The following DCP1A variants were observed in gnomAD, a reference collection of about 807,000 sequenced individuals.
DCP1A encodes the protein mRNA-decapping enzyme 1A.
DCP1A carries 20 observed loss-of-function variants against 58.0 expected under a neutral mutation model. That is an observed-to-expected ratio of 0.34 (90% CI 0.24 to 0.50). The LOEUF (loss-of-function observed/expected upper bound fraction) is 0.50, where lower values mean the gene tolerates loss of function less well. Among genes scored for constraint, DCP1A ranks in the 20% least tolerant of loss-of-function variants. DCP1A has a pLI of 0.98. For missense variants in DCP1A, 613 were observed against 712.2 expected (o/e 0.86, Z 1.59); for synonymous variants, 285 against 275.1 (o/e 1.04, Z -0.36).
intron 3 of DCP1A, among the ~76,000 whole-genome samples, chr3:53,341,358 G>T (rs1308135032): frequency 6.6e-6 from 1 of 152,256 alleles, no homozygotes; most frequent in East Asian, 1.9e-4. Context: ...GGGAGGCCGA[G>T]CCAGGAGAAG....
chr3:53,316,435 CTTT>C lies in DCP1A; in HGVS notation c.371+2969_371+2971del, dbSNP rs1268922375. On this transcript the variant is annotated intron_variant, in intron 4 of 9. Coordinates refer to ENST00000610213, the MANE Select transcript of DCP1A (RefSeq NM_018403.7). ...GTTTCACCAGGGTATTCTCTAATCA[CTTT>C]TTTTTTTTGAGATGGGATCTCACTA... is the stretch of plus-strand genomic sequence containing the variant. 1.1e-4 allele frequency among the ~76,000 whole-genome samples: 16 copies of C among 146,620 alleles called. No homozygotes were observed. In the East Asian group the frequency reaches 3.0e-3, roughly 27 times the overall value.
At chr3:53,315,771 T>TA in intron 4 of DCP1A, among the ~76,000 whole-genome samples, 2 of 130,160 alleles carry the variant, frequency 1.5e-5, no homozygotes, top group South Asian at 5.2e-4. Flanking sequence ...TTTTTTTTTT[T>TA]GAGACGGAGT....
chr3:53,342,644 G>GCC (rs1356956999), intron 2 of DCP1A, among the ~76,000 whole-genome samples: 5 of 152,128 alleles, frequency 3.3e-5, no homozygotes, highest in Non-Finnish European at 7.3e-5. Flanking sequence ...CTGGATTACT[G>GCC]CCCCAGAAGC....
chr3:53,315,741 G>GTTTTTTTTT (rs1553689168), intron 4 of DCP1A, among the ~76,000 whole-genome samples: 1 of 75,648 alleles, frequency 1.3e-5, no homozygotes, highest in African/African-American at 4.4e-5. Context: ...AAATCAGTTT[G>GTTTTTTTTT]TTGTTTTTTT....
chr3:53,290,778 A>AAG lies in DCP1A; in HGVS notation c.1449+12_1449+13insCT. 1 of 1,225,426 alleles carries AAG rather than the reference A, an allele frequency of 8.2e-7. No individual in the cohort carries two copies. Among genetic ancestry groups the AAG allele is most frequent in the Non-Finnish European group, 1.2e-6 (1 of 868,598 alleles). 75.9% of individuals were successfully genotyped at this position (1,225,426 alleles called of 1,614,324 possible). A position where few individuals can be genotyped will look rare whatever the true frequency, so the allele number is the denominator to read the frequency against. On this transcript the variant is annotated intron_variant, in intron 8 of 9. Coordinates refer to ENST00000610213, the MANE Select transcript of DCP1A (RefSeq NM_018403.7). ...AAAAAAAAAAAAAAAAAAAAAAAAA[A>AAG]GCGAGTCCTTACCGGGATGGCACTG...
chr3:53,285,616 GA>G lies in DCP1A; in HGVS notation c.*1963del, dbSNP rs1384596551. ...TAGCATTAAAGGTGAAAATTAGTAT[GA>G]TCACAGACTCTCTTTAGGATATTCT... On this transcript the variant is annotated 3_prime_UTR_variant, in exon 10 of 10. Coordinates refer to ENST00000610213, the MANE Select transcript of DCP1A (RefSeq NM_018403.7). The G allele has an allele frequency of 6.6e-6, 1 of 152,072 alleles. No individual in the cohort carries two copies. Among genetic ancestry groups the G allele is most frequent in the East Asian group, 1.9e-4 (1 of 5,194 alleles). The allele number at this position is 152,072 out of a possible 1,614,324, so 9.4% of individuals were successfully genotyped here. A position where few individuals can be genotyped will look rare whatever the true frequency, so the allele number is the denominator to read the frequency against.
intron 6 of DCP1A, among the ~76,000 whole-genome samples, chr3:53,296,608 T>C (rs2106805702): frequency 6.6e-6 from 1 of 152,362 alleles, no homozygotes; most frequent in East Asian, 1.9e-4. Context: ...ACATAAAACT[T>C]ACCATTTTAA....
At chr3:53,312,492 CTTCT>C (rs1707677718) in intron 4 of DCP1A, 113 bp from the exon 5 acceptor site, 8 of 640,168 alleles carry the variant, frequency 1.2e-5, no homozygotes, top group East Asian at 7.5e-5. Context: ...TGATGACATT[CTTCT>C]TTTTTTTTTT....
intron 2 of DCP1A, 132 bp from the exon 3 acceptor site, chr3:53,342,403 T>C (rs1219804017): frequency 2.7e-5 from 19 of 696,852 alleles, no homozygotes; most frequent in Non-Finnish European, 2.3e-6. Context: ...AGCACTTACA[T>C]CTGTAAACAA....
Position 53,347,381 on chromosome 3 carries a change from A to G in DCP1A, c.135+2T>C. The G allele has an allele frequency of 6.3e-7, 1 of 1,588,970 alleles. No homozygotes were observed. Among genetic ancestry groups the G allele is most frequent in the Non-Finnish European group, 8.6e-7 (1 of 1,167,704 alleles). On this transcript the variant is annotated splice_donor_variant, in intron 1 of 9. Transcript: ENST00000610213. LOFTEE classifies it high-confidence loss of function. Reference sequence around the variant, plus strand: ...CCGTCCTCAGGGCCAGGCGGCACTCACCCACTGGTTGGCCTTGGGGCAGAA... The same window carrying G: ...CCGTCCTCAGGGCCAGGCGGCACTCGCCCACTGGTTGGCCTTGGGGCAGAA...
intron 6 of DCP1A, among the ~76,000 whole-genome samples, chr3:53,295,725 T>C (rs971223723): frequency 3.3e-5 from 5 of 152,128 alleles, no homozygotes; most frequent in African/African-American, 4.8e-5. Context: ...TAGTGAGCCA[T>C]TGAGCCCAGC....
Position 53,342,160 on chromosome 3 carries a change from C to T in DCP1A, c.288G>A (p.Leu96=), listed in dbSNP as rs1553692598. The change falls in exon 3 of 10, where the codon CTG becomes CTA. Residue 96 remains leucine, a synonymous_variant. Coordinates refer to ENST00000610213, the MANE Select transcript of DCP1A (RefSeq NM_018403.7). Reference sequence around the variant, plus strand: ...TATACTCACAGCTTGCATTTCTATACAGAAGAAATGGTTCATGGAGCTGAA... The same window carrying T: ...TATACTCACAGCTTGCATTTCTATATAGAAGAAATGGTTCATGGAGCTGAA... ...LEFQLHEPFL[L]YRNASLSIYS... 1 of 1,601,960 alleles carries T rather than the reference C, an allele frequency of 6.2e-7. No individual in the cohort carries two copies.
At position 53,286,320 on chromosome 3, in the gene DCP1A, A is replaced by G. The variant is rs1553685094; in HGVS notation, c.*1260T>C. 1 of 152,246 alleles carries G rather than the reference A, an allele frequency of 6.6e-6. No individual in the cohort carries two copies. Among genetic ancestry groups the G allele is most frequent in the Non-Finnish European group, 1.5e-5 (1 of 68,048 alleles). 9.4% of individuals were successfully genotyped at this position (152,246 alleles called of 1,614,324 possible). A position where few individuals can be genotyped will look rare whatever the true frequency, so the allele number is the denominator to read the frequency against. On this transcript the variant is annotated 3_prime_UTR_variant, in exon 10 of 10. Transcript: ENST00000610213. Reference sequence around the variant, plus strand: ...AGTAAGCAGTGCATCTTAATTGGTTAAATACTACAAAATGACCTGTATCAT... The same window carrying G: ...AGTAAGCAGTGCATCTTAATTGGTTGAATACTACAAAATGACCTGTATCAT...
At chr3:53,319,654 A>G (rs1707906082) in intron 3 of DCP1A, among the ~76,000 whole-genome samples, 181 bp from the exon 4 acceptor site, 1 of 152,218 alleles carries the variant, frequency 6.6e-6, no homozygotes, top group Admixed American at 6.5e-5. Flanking sequence ...AAATCAGGAC[A>G]GGTAAAACAT....
At chr3:53,305,046 C>T (rs1406181006) in intron 5 of DCP1A, among the ~76,000 whole-genome samples, 1 of 152,148 alleles carries the variant, frequency 6.6e-6, no homozygotes, top group Non-Finnish European at 1.5e-5. Flanking sequence ...CCTCCCTCCA[C>T]TCCCGGCAAC....
chr3:53,316,266 G>T lies in DCP1A; in HGVS notation c.371+3141C>A, dbSNP rs533893494. Among the ~76,000 whole-genome samples the T allele has an allele frequency of 3.9e-5, 6 of 152,276 alleles. No individual in the cohort carries two copies. The South Asian group carries it at 1.2e-3, about 32-fold the overall frequency. On this transcript the variant is annotated intron_variant, in intron 4 of 9. Transcript: ENST00000610213. ...AACAACAACAAAAAGTAACAAACAG[G>T]TTTATGCAGGCAGATTTAGAACAAA...
chr3:53,327,070 C>G (rs1416476829), intron 3 of DCP1A, among the ~76,000 whole-genome samples: 2 of 151,372 alleles, frequency 1.3e-5, no homozygotes, highest in African/African-American at 4.9e-5. Context: ...CAGGGGGAAG[C>G]ATGGCCCCTG....
Position 53,347,507 on chromosome 3 carries a change from A to G in DCP1A, c.11T>C (p.Leu4Pro). The G allele has an allele frequency of 6.2e-7, 1 of 1,611,606 alleles. No individual in the cohort carries two copies. The highest frequency in any genetic ancestry group is 8.5e-7 in the Non-Finnish European group (1 of 1,178,668). MEA[L>P]SRAGQEMSLA... ...GCTCATCTCCTGCCCAGCTCGACTC[A>G]GCGCCTCCATCTTGAATCCCAGAGC... Residue 4 changes from leucine (L) to proline (P), a missense_variant, in exon 1 of 10, where the codon CTG becomes CCG. By Grantham distance (98) the Leu-to-Pro change is moderately conservative (BLOSUM62 -3). Transcript: ENST00000610213.
intron 6 of DCP1A, among the ~76,000 whole-genome samples, chr3:53,293,714 G>C (rs1274354599): frequency 6.6e-6 from 1 of 152,180 alleles, no homozygotes; most frequent in Non-Finnish European, 1.5e-5. Flanking sequence ...CAGAAAGTCT[G>C]TAAGGCCCCA....
Sources: allele counts gnomAD v4.1 joint callset (sites outside exome capture counted in the v4.1 genomes callset), GRCh38; gene constraint gnomAD v4.1.1; transcripts MANE v1.5; gene names NCBI Gene and HGNC (gene_info 2026-07-23, HGNC 2026-07-21).